RPH3A: variants seen among roughly 807,000 people sequenced by gnomAD.
RPH3A encodes rabphilin 3A.
A neutral mutation model predicts 102.2 loss-of-function variants in RPH3A; 48 were observed. The observed-to-expected ratio is 0.47, with a 90% confidence interval of 0.37 to 0.60. The LOEUF is 0.60. Ranked by LOEUF, RPH3A falls within the 20% of genes least tolerant of loss-of-function variation. The pLI is 0.00. For synonymous variants in RPH3A, 310 were observed against 324.3 expected, an observed-to-expected ratio of 0.96 and a Z score of 0.47; for missense variants, 781 against 910.1, an observed-to-expected ratio of 0.86 and a Z score of 1.83.
chr12:112,780,766 T>C (rs1005342270), intron 1 of RPH3A, among the ~76,000 whole-genome samples: 1 of 152,178 alleles, frequency 6.6e-6, no homozygotes, highest in African/African-American at 2.4e-5. Flanking sequence ...TGCAGCTCCC[T>C]ATGCGGGTAT....
At chr12:112,754,576 C>T (rs920625670) in intron 1 of RPH3A, among the ~76,000 whole-genome samples, 2 of 152,142 alleles carry the variant, frequency 1.3e-5, no homozygotes, top group South Asian at 2.1e-4. Context: ...AATTGTTCCA[C>T]GTGAGCTTCA....
chr12:112,663,863 G>T (rs992898301), intron 1 of RPH3A, among the ~76,000 whole-genome samples: 1 of 152,094 alleles, frequency 6.6e-6, no homozygotes, highest in South Asian at 2.1e-4. Flanking sequence ...AGAGAAAGAG[G>T]TAGTCTTCCT....
At chr12:112,737,210 G>T (rs1429579711) in intron 1 of RPH3A, among the ~76,000 whole-genome samples, 1 of 150,538 alleles carries the variant, frequency 6.6e-6, no homozygotes, top group Non-Finnish European at 1.5e-5. Flanking sequence ...TCTTTATAAA[G>T]TGAGTTGTTA....
chr12:112,849,062 G>A (rs138991751), intron 5 of RPH3A, among the ~76,000 whole-genome samples: 15 of 152,274 alleles, frequency 9.9e-5, no homozygotes, highest in East Asian at 1.9e-4. Flanking sequence ...TGCTTACAGC[G>A]GATTTGGGCA....
chr12:112,647,666 G>T (rs576361520), intron 1 of RPH3A, among the ~76,000 whole-genome samples: 8 of 152,050 alleles, frequency 5.3e-5, no homozygotes, highest in African/African-American at 1.7e-4. Context: ...TCTCTAGGGT[G>T]GTTACCTTTG....
At chr12:112,643,547 C>T (rs568513351) in intron 1 of RPH3A, among the ~76,000 whole-genome samples, 1 of 152,366 alleles carries the variant, frequency 6.6e-6, no homozygotes, top group Admixed American at 6.5e-5. Context: ...GACATAGTTT[C>T]TGCTACATGG....
At chr12:112,761,468 G>A (rs781384599) in intron 1 of RPH3A, among the ~76,000 whole-genome samples, 1 of 152,248 alleles carries the variant, frequency 6.6e-6, no homozygotes, top group Admixed American at 6.5e-5. Context: ...TGTGAGCCCT[G>A]TTCATTGGGA....
At chr12:112,827,766 G>C (rs543448117) in intron 2 of RPH3A, among the ~76,000 whole-genome samples, 1 of 152,240 alleles carries the variant, frequency 6.6e-6, no homozygotes, top group South Asian at 2.1e-4. Context: ...GGGGCCAGGG[G>C]AGGGAGAGCA....
chr12:112,868,761 A>G lies in RPH3A; in HGVS notation c.610+166A>G, dbSNP rs2042655701. The G allele has an allele frequency of 4.4e-6, 3 of 682,730 alleles. No individual in the cohort carries two copies. The Admixed American group carries it at 9.0e-5, about 21-fold the overall frequency. 42.3% of individuals were successfully genotyped at this position (682,730 alleles called of 1,614,324 possible). A position where few individuals can be genotyped will look rare whatever the true frequency, so the allele number is the denominator to read the frequency against. On this transcript the variant is annotated intron_variant, in intron 8 of 21. Transcript: ENST00000389385. ...ATATCTCCTTCAGAGTTCACCATAA[A>G]TCGTTACCAAGAGGGTAGCACAGGG...
intron 1 of RPH3A, among the ~76,000 whole-genome samples, chr12:112,707,966 G>A (rs528500913): frequency 2.0e-5 from 3 of 152,344 alleles, no homozygotes; most frequent in Admixed American, 6.5e-5. Flanking sequence ...GAGTTTGGAT[G>A]GGTAGTGGGC....
intron 1 of RPH3A, among the ~76,000 whole-genome samples, chr12:112,627,001 T>C (rs2039771204): frequency 9.3e-6 from 1 of 107,524 alleles, no homozygotes; most frequent in Admixed American, 1.1e-4. Flanking sequence ...TAGGTGGGAA[T>C]TGAACAATGA....
At chr12:112,722,604 A>G (rs2040558743) in intron 1 of RPH3A, among the ~76,000 whole-genome samples, 3 of 152,218 alleles carry the variant, frequency 2.0e-5, no homozygotes, top group Admixed American at 6.5e-5. Flanking sequence ...AAGTAGAAGT[A>G]TTGTTGGTGC....
intron 10 of RPH3A, among the ~76,000 whole-genome samples, chr12:112,874,419 G>A (rs954380457): frequency 6.6e-6 from 1 of 152,150 alleles, no homozygotes; most frequent in Non-Finnish European, 1.5e-5. Context: ...CACCCCATAA[G>A]GTTATTAGTA....
In RPH3A at chr12:112,821,304, G is replaced by A. The variant is rs140144334; in HGVS notation, c.-18-6997G>A. On this transcript the variant is annotated intron_variant, in intron 2 of 21. Transcript: ENST00000389385. Reference sequence around the variant, plus strand: ...AATAGTCAACTCTGGATGCATATTTGAGATGGAATAGAATATACTCAGCTT... The same window carrying A: ...AATAGTCAACTCTGGATGCATATTTAAGATGGAATAGAATATACTCAGCTT... Among the ~76,000 whole-genome samples, 546 of 152,322 alleles carry A rather than the reference G, an allele frequency of 3.6e-3. 3 individuals carry two copies. Among genetic ancestry groups the A allele is most frequent in the African/African-American group, 0.012 (519 of 41,574 alleles).
chr12:112,672,570 G>C (rs899474248), intron 1 of RPH3A, among the ~76,000 whole-genome samples: 22 of 152,160 alleles, frequency 1.4e-4, no homozygotes, highest in Admixed American at 1.4e-3. Flanking sequence ...ATGGCACACA[G>C]CTGCAGGTGC....
At chr12:112,671,861 C>T (rs1271105471) in intron 1 of RPH3A, among the ~76,000 whole-genome samples, 1 of 151,156 alleles carries the variant, frequency 6.6e-6, no homozygotes, top group African/African-American at 2.4e-5. Context: ...ATCTATCTAT[C>T]TATCTATCTA....
intron 1 of RPH3A, among the ~76,000 whole-genome samples, chr12:112,695,812 A>G (rs1451432890): frequency 6.6e-6 from 1 of 152,210 alleles, no homozygotes; most frequent in African/African-American, 2.4e-5. Flanking sequence ...GACCTGGAGT[A>G]GTTTTTTTTG....
intron 1 of RPH3A, among the ~76,000 whole-genome samples, chr12:112,728,205 TC>T (rs2040608662): frequency 6.6e-6 from 1 of 152,146 alleles, no homozygotes. Flanking sequence ...AAGTGGCAAA[TC>T]ATGGAAGCAT....
At chr12:112,846,286 G>A (rs2042226985) in intron 4 of RPH3A, among the ~76,000 whole-genome samples, 1 of 152,200 alleles carries the variant, frequency 6.6e-6, no homozygotes, top group African/African-American at 2.4e-5. Flanking sequence ...GACACCACTG[G>A]AGAGTTCTGA....
Sources: allele counts gnomAD v4.1 joint callset (sites outside exome capture counted in the v4.1 genomes callset), GRCh38; gene constraint gnomAD v4.1.1; transcripts MANE v1.5; gene names NCBI Gene and HGNC (gene_info 2026-07-23, HGNC 2026-07-21).